PPP1R21: variants seen among roughly 807,000 people sequenced by gnomAD.
The protein encoded by PPP1R21 is protein phosphatase 1 regulatory subunit 21.
A neutral mutation model predicts 112.8 loss-of-function variants in PPP1R21; 85 were observed. That is an observed-to-expected ratio of 0.75 (90% CI 0.63 to 0.90). The LOEUF (loss-of-function observed/expected upper bound fraction) is 0.90. Among genes scored for constraint, PPP1R21 ranks in the 40% least tolerant of loss-of-function variants. PPP1R21 has a pLI of 0.00. For missense variants in PPP1R21, 1,199 were observed against 901.5 expected, an observed-to-expected ratio of 1.33 and a Z score of -4.23; for synonymous variants, 381 against 322.3, an observed-to-expected ratio of 1.18 and a Z score of -1.95.
At position 48,514,794 on chromosome 2, in the gene PPP1R21, C is replaced by T; in HGVS notation, c.*50C>T. On this transcript the variant is annotated 3_prime_UTR_variant, in exon 22 of 22. Coordinates refer to ENST00000294952, the MANE Select transcript of PPP1R21 (RefSeq NM_001135629.3). ...GTTCTTTCCAGACCTGCTCCTGCTG[C>T]ACAGAGCCGCAGGGCTGAGACCACG... The T allele has an allele frequency of 6.2e-7, 1 of 1,604,506 alleles. No homozygotes were observed. Among genetic ancestry groups the T allele is most frequent in the African/African-American group, 1.3e-5 (1 of 74,722 alleles).
chr2:48,477,152 C>A (rs2103878247), intron 12 of PPP1R21, among the ~76,000 whole-genome samples: 1 of 136,110 alleles, frequency 7.3e-6, no homozygotes, highest in East Asian at 2.3e-4. Context: ...GACAGAGTCT[C>A]ACTCTATCAC....
intron 19 of PPP1R21, among the ~76,000 whole-genome samples, chr2:48,507,642 C>T (rs781531159): frequency 1.1e-4 from 16 of 150,508 alleles, no homozygotes; most frequent in Admixed American, 2.0e-4. Flanking sequence ...GCTGGGATTA[C>T]AGGTGTGAGC....
chr2:48,505,618 GTTGT>G (rs1248330579), intron 18 of PPP1R21, 22 bp downstream of exon 18: 2 of 1,539,542 alleles, frequency 1.3e-6, no homozygotes, highest in African/African-American at 1.4e-5. Context: ...TTGTCATCAT[GTTGT>G]TTGTTAGTAA....
chr2:48,503,384 A>G (rs1670216262), intron 17 of PPP1R21, among the ~76,000 whole-genome samples: 1 of 152,208 alleles, frequency 6.6e-6, no homozygotes, highest in South Asian at 2.1e-4. Flanking sequence ...AGTATTCCAT[A>G]TCTATTATAC....
chr2:48,488,584 A>G (rs1446916198), intron 14 of PPP1R21, among the ~76,000 whole-genome samples: 1 of 152,042 alleles, frequency 6.6e-6, no homozygotes, highest in Non-Finnish European at 1.5e-5. Flanking sequence ...GTTAGTCAGG[A>G]TGGTCTCAAT....
Position 48,503,968 on chromosome 2 carries a change from A to AC in PPP1R21, c.1936-1596_1936-1595insC, listed in dbSNP as rs397782937. On this transcript the variant is annotated intron_variant, in intron 17 of 21. Coordinates refer to ENST00000294952, the MANE Select transcript of PPP1R21 (RefSeq NM_001135629.3). ...ACTATGTCTCAAAAAAAAAAAAAAA[A>AC]GTTTTCCTTGCATTTATACAGTACC... is the stretch of plus-strand genomic sequence containing the variant. Among the ~76,000 whole-genome samples the AC allele has an allele frequency of 5.7e-3, 862 of 149,986 alleles. 4 individuals carry two copies. Among genetic ancestry groups the AC allele is most frequent in the Middle Eastern group, 0.01 (3 of 292 alleles).
Position 48,511,348 on chromosome 2 carries a change from G to C in PPP1R21, c.2193G>C (p.Leu731=), listed in dbSNP as rs1047888356. 6.2e-7 allele frequency: 1 copy of C among 1,612,994 alleles called. No individual in the cohort carries two copies. The highest frequency in any genetic ancestry group is 1.3e-5 in the African/African-American group (1 of 74,996). ...SQNISRLQDE[L]TTTKRSYEDQ... is the part of the protein sequence containing the mutation. ...TTTTCTTTGCTATTTAGGATGAGCT[G>C]ACAACTACCAAGAGGAGTTACGAGG... The change falls in exon 21 of 22, where the codon CTG becomes CTC. Residue 731 remains leucine (L), a synonymous_variant. Transcript: ENST00000294952.
intron 5 of PPP1R21, 74 bp downstream of exon 5, chr2:48,459,992 G>T: frequency 6.3e-7 from 1 of 1,592,320 alleles, no homozygotes; most frequent in Non-Finnish European, 8.6e-7. Flanking sequence ...TCCACTTAGA[G>T]TTAGTCATTT....
intron 15 of PPP1R21, among the ~76,000 whole-genome samples, chr2:48,492,862 C>T (rs191612823): frequency 5.3e-5 from 8 of 152,170 alleles, no homozygotes; most frequent in African/African-American, 1.2e-4. Flanking sequence ...ATGAATTTAA[C>T]CCATGCATTT....
intron 16 of PPP1R21, among the ~76,000 whole-genome samples, chr2:48,497,460 G>C (rs1669897587): frequency 6.6e-6 from 1 of 151,984 alleles, no homozygotes; most frequent in Non-Finnish European, 1.5e-5. Context: ...CTGCCTTCTA[G>C]CACTATAGAT....
chr2:48,499,426 G>A (rs1483754669), intron 17 of PPP1R21, among the ~76,000 whole-genome samples: 1 of 152,112 alleles, frequency 6.6e-6, no homozygotes, highest in Non-Finnish European at 1.5e-5. Flanking sequence ...TTCTTTAATA[G>A]AAATAACCAC....
chr2:48,511,290 G>C (rs371395051), intron 20 of PPP1R21, 50 bp from the exon 21 acceptor site: 1 of 1,561,532 alleles, frequency 6.4e-7, no homozygotes, highest in African/African-American at 1.4e-5. Flanking sequence ...AAGCTTCAGA[G>C]TGGTACGACT....
chr2:48,482,681 C>G (rs1169293515), intron 13 of PPP1R21, among the ~76,000 whole-genome samples: 1 of 128,588 alleles, frequency 7.8e-6, no homozygotes, highest in African/African-American at 2.9e-5. Flanking sequence ...CTACTTTATT[C>G]TAAAGTGACT....
intron 4 of PPP1R21, 29 bp from the exon 5 acceptor site, chr2:48,459,725 G>A (rs765261909): frequency 5.0e-6 from 8 of 1,602,202 alleles, no homozygotes; most frequent in Admixed American, 3.5e-5. Flanking sequence ...AGGATATTGT[G>A]AGAAGAGAAA....
chr2:48,513,522 T>A (rs1209729843), intron 21 of PPP1R21, among the ~76,000 whole-genome samples: 2 of 152,136 alleles, frequency 1.3e-5, no homozygotes, highest in African/African-American at 4.8e-5. Flanking sequence ...TTAGAGATTG[T>A]TGATCTTTTC....
chr2:48,463,241 C>T (rs1474385919), intron 7 of PPP1R21, among the ~76,000 whole-genome samples: 1 of 152,132 alleles, frequency 6.6e-6, no homozygotes, highest in East Asian at 1.9e-4. Flanking sequence ...GTGAGTTCTC[C>T]ATCCCAGTGA....
chr2:48,514,311 C>G (rs1272962941), intron 21 of PPP1R21, among the ~76,000 whole-genome samples: 1 of 152,058 alleles, frequency 6.6e-6, no homozygotes, highest in Non-Finnish European at 1.5e-5. Context: ...TGGTCTCGAT[C>G]TCCTGACCTC....
intron 9 of PPP1R21, 131 bp from the exon 10 acceptor site, chr2:48,470,956 G>A: frequency 9.5e-6 from 6 of 634,442 alleles, no homozygotes; most frequent in Non-Finnish European, 1.7e-5. Context: ...TTGAGCACAG[G>A]AGTTTGAGGC....
intron 19 of PPP1R21, 25 bp downstream of exon 19, chr2:48,507,410 G>C (rs771795648): frequency 1.3e-6 from 2 of 1,587,788 alleles, no homozygotes; most frequent in Admixed American, 1.9e-5. Context: ...AATTAGATTG[G>C]TGGTTTTTTT....
Sources: allele counts gnomAD v4.1 joint callset (sites outside exome capture counted in the v4.1 genomes callset), GRCh38; gene constraint gnomAD v4.1.1; transcripts MANE v1.5; gene names NCBI Gene and HGNC (gene_info 2026-07-23, HGNC 2026-07-21).